The following ZNF76 variants were observed in gnomAD, a reference collection of about 807,000 sequenced individuals.
The protein encoded by ZNF76 is zinc finger protein 523.
Under a neutral mutation model 66.9 loss-of-function variants are expected in ZNF76, and 66 were observed. The observed-to-expected ratio is 0.99, with a 90% CI of 0.81 to 1.21. ZNF76 has a LOEUF of 1.21. Among genes scored for constraint, ZNF76 ranks in the 50% most tolerant of loss-of-function variants. The pLI, the probability that ZNF76 is intolerant of heterozygous loss-of-function variation, is 0.00. For missense variants in ZNF76, 729 were observed against 760.3 expected (o/e 0.96, Z 0.48); for synonymous variants, 275 against 296.1 (o/e 0.93, Z 0.73).
At chr6:35,276,367 G>T (rs1306628216) in intron 1 of ZNF76, among the ~76,000 whole-genome samples, 2 of 152,182 alleles carry the variant, frequency 1.3e-5, no homozygotes, top group Non-Finnish European at 2.9e-5. Context: ...TTAGGACTTC[G>T]TATTGCTTCA....
chr6:35,282,645 A>G (rs1005783367), intron 2 of ZNF76, among the ~76,000 whole-genome samples: 2 of 152,202 alleles, frequency 1.3e-5, no homozygotes, highest in African/African-American at 2.4e-5. Context: ...TCTGGACTCC[A>G]TGATTGTCAC....
intron 1 of ZNF76, among the ~76,000 whole-genome samples, chr6:35,276,885 C>G (rs1463850969): frequency 1.3e-5 from 2 of 149,108 alleles, no homozygotes; most frequent in Non-Finnish European, 3.0e-5. Context: ...CAACCTCCGC[C>G]TCCTGGGTCC....
In ZNF76 at chr6:35,286,154, A is replaced by C; in HGVS notation, c.100A>C (p.Ile34Leu). The C allele has an allele frequency of 6.2e-7, 1 of 1,614,032 alleles. No homozygotes were observed. Among genetic ancestry groups the C allele is most frequent in the South Asian group, 1.1e-5 (1 of 91,068 alleles). ...KGEKLLEGQV[I>L]QLEDGTTAYI... ...AGAGAAGCTTCTTGAAGGGCAGGTG[A>C]TCCAGCTCGAGGATGGGACCACCGC... Residue 34 changes from isoleucine to leucine, a missense_variant, in exon 3 of 14, where the codon ATC (isoleucine) becomes CTC (leucine). Coordinates refer to ENST00000373953, the MANE Select transcript of ZNF76 (RefSeq NM_003427.5).
At chr6:35,262,319 A>T (rs959257487) in intron 1 of ZNF76, among the ~76,000 whole-genome samples, 1 of 152,104 alleles carries the variant, frequency 6.6e-6, no homozygotes, top group African/African-American at 2.4e-5. Context: ...AGGTTTTGTG[A>T]TCTGCTTCAG....
In ZNF76 at chr6:35,291,755, C is replaced by T. The variant is rs745591007; in HGVS notation, c.931+18C>T. 18 of 1,602,220 alleles carry T rather than the reference C, an allele frequency of 1.1e-5. No individual in the cohort carries two copies. Among genetic ancestry groups the T allele is most frequent in the African/African-American group, 5.3e-5 (4 of 74,922 alleles). On this transcript the variant is annotated intron_variant, in intron 9 of 13. Coordinates refer to ENST00000373953, the MANE Select transcript of ZNF76 (RefSeq NM_003427.5). ...CCACACAGGTGGGCTAGCTGGCATG[C>T]GAGGACTACCCTCACTCAGGCCCCA...
At chr6:35,277,054 C>G (rs1000970220) in intron 1 of ZNF76, among the ~76,000 whole-genome samples, 2 of 151,916 alleles carry the variant, frequency 1.3e-5, no homozygotes, top group South Asian at 4.2e-4. Context: ...CCACTTCGGC[C>G]TCCCAAAGTG....
intron 2 of ZNF76, among the ~76,000 whole-genome samples, chr6:35,285,436 C>T (rs1477945230): frequency 6.6e-6 from 1 of 152,170 alleles, no homozygotes; most frequent in Non-Finnish European, 1.5e-5. Flanking sequence ...CCATATATAC[C>T]TGGCACTCTT....
chr6:35,279,560 TG>T (rs1202425219), intron 1 of ZNF76: 5 of 151,440 alleles, frequency 3.3e-5, no homozygotes, highest in African/African-American at 1.2e-4. Flanking sequence ...CCCAAGTAGC[TG>T]GGACTACAGG....
At chr6:35,261,955 T>C (rs1272231288) in intron 1 of ZNF76, among the ~76,000 whole-genome samples, 1 of 152,208 alleles carries the variant, frequency 6.6e-6, no homozygotes, top group African/African-American at 2.4e-5. Context: ...GTTCATGGCT[T>C]AGGCCCCTAT....
At chr6:35,281,526 C>T (rs891558141) in intron 2 of ZNF76, among the ~76,000 whole-genome samples, 6 of 152,192 alleles carry the variant, frequency 3.9e-5, no homozygotes, top group Non-Finnish European at 8.8e-5. Context: ...TTATGACTCC[C>T]TGCTTTTCAG....
At chr6:35,280,524 C>CT (rs1554191556) in intron 1 of ZNF76, among the ~76,000 whole-genome samples, 43 of 134,048 alleles carry the variant, frequency 3.2e-4, no homozygotes, top group African/African-American at 1.2e-3. Flanking sequence ...GATCCCCCCC[C>CT]CCCCCGCCCT....
chr6:35,263,288 C>T (rs1457074226), intron 1 of ZNF76, among the ~76,000 whole-genome samples: 1 of 152,232 alleles, frequency 6.6e-6, no homozygotes, highest in African/African-American at 2.4e-5. Context: ...GTCTCCTGGA[C>T]ACCCTCCCAC....
rs775983020 is a variant in ZNF76, at chr6:35,294,579, G to A, written c.1608+10G>A. 4.4e-6 allele frequency: 7 copies of A among 1,586,992 alleles called. No homozygotes were observed. Among genetic ancestry groups the A allele is most frequent in the Non-Finnish European group, 6.1e-6 (7 of 1,155,486 alleles). On this transcript the variant is annotated intron_variant, in intron 13 of 13. Transcript: ENST00000373953. ...GCACATTGCAGTGCAGGTGAGTAGAGATCTGGGAGGAAAGGGGATCCCACG... is the reference window on the plus strand; with the variant it reads ...GCACATTGCAGTGCAGGTGAGTAGAAATCTGGGAGGAAAGGGGATCCCACG...
At position 35,269,751 on chromosome 6, in the gene ZNF76, G is replaced by A. The variant is rs141020357; in HGVS notation, c.-97+9910G>A. On this transcript the variant is annotated intron_variant, in intron 1 of 13. Coordinates refer to ENST00000373953, the MANE Select transcript of ZNF76 (RefSeq NM_003427.5). ...AAATACTGTCCTGTGGCCACATGGA[G>A]CAATGAAGGGGAAAGGTAGACCCTG... Among the ~76,000 whole-genome samples, 36 of 152,350 alleles carry A rather than the reference G, an allele frequency of 2.4e-4. No individual in the cohort carries two copies. In the East Asian group the frequency reaches 6.6e-3, roughly 28 times the overall value.
At chr6:35,289,841 A>G (rs774562249) in intron 5 of ZNF76, among the ~76,000 whole-genome samples, 1 of 152,098 alleles carries the variant, frequency 6.6e-6, no homozygotes, top group Non-Finnish European at 1.5e-5. Context: ...TCGTGCCAGG[A>G]GGAAGGGGAC....
At chr6:35,277,666 G>A (rs780750973) in intron 1 of ZNF76, among the ~76,000 whole-genome samples, 6 of 152,194 alleles carry the variant, frequency 3.9e-5, no homozygotes, top group Non-Finnish European at 8.8e-5. Context: ...ATGAGTTAAT[G>A]TATGTGACAT....
intron 1 of ZNF76, among the ~76,000 whole-genome samples, chr6:35,277,695 T>A (rs1345559048): frequency 6.6e-6 from 1 of 152,260 alleles, no homozygotes; most frequent in Non-Finnish European, 1.5e-5. Context: ...CGTGGTTAAC[T>A]CTATAGTAGT....
intron 1 of ZNF76, among the ~76,000 whole-genome samples, chr6:35,274,724 A>G (rs971791469): frequency 4.6e-5 from 7 of 152,190 alleles, no homozygotes; most frequent in African/African-American, 1.7e-4. Flanking sequence ...GTCTCTAAAT[A>G]AATAAAAGGT....
chr6:35,286,031 G>C, intron 2 of ZNF76, 97 bp from the exon 3 acceptor site: 1 of 1,110,604 alleles, frequency 9.0e-7, no homozygotes, highest in Non-Finnish European at 1.4e-6. Context: ...GCAGGCTCGT[G>C]CCTAGAGACT....
Sources: gnomAD v4.1 joint callset for allele counts (sites outside exome capture counted in the v4.1 genomes callset) on GRCh38, gnomAD v4.1.1 for gene constraint, MANE v1.5 for transcripts, NCBI Gene and HGNC (gene_info 2026-07-23, HGNC 2026-07-21) for gene names.